PTPRD: variants seen among roughly 807,000 people sequenced by gnomAD.
The protein encoded by PTPRD is receptor-type tyrosine-protein phosphatase delta.
Under a neutral mutation model 214.5 loss-of-function variants are expected in PTPRD, and 34 were observed. That is an observed-to-expected ratio of 0.16 (90% CI 0.12 to 0.21). The LOEUF is 0.21. PTPRD is among the 10% of genes least tolerant of loss of function. The pLI is 1.00. For missense variants in PTPRD, 2,545 were observed against 2,398.7 expected, an observed-to-expected ratio of 1.06 and a Z score of -1.27; for synonymous variants, 1,128 against 845.7, an observed-to-expected ratio of 1.33 and a Z score of -5.79.
intron 11 of PTPRD, among the ~76,000 whole-genome samples, chr9:8,935,162 T>C (rs2098988227): frequency 6.6e-6 from 1 of 152,098 alleles, no homozygotes; most frequent in South Asian, 2.1e-4. Context: ...AGAAGTAAAA[T>C]TGCCTCTGTT....
In PTPRD at chr9:8,360,417, T is replaced by C. The variant is rs551552776; in HGVS notation, c.4661+15519A>G. Among the ~76,000 whole-genome samples, 6 of 152,336 alleles carry C rather than the reference T, an allele frequency of 3.9e-5. No individual in the cohort carries two copies. In the South Asian group the frequency reaches 1.2e-3, roughly 32 times the overall value. On this transcript the variant is annotated intron_variant, in intron 39 of 45. Transcript: ENST00000381196. ...AACTGGTGAATCTAATATACAGTTATGCATTTGAGGTTAATGTCAACTGTA... is the reference window on the plus strand; with the variant it reads ...AACTGGTGAATCTAATATACAGTTACGCATTTGAGGTTAATGTCAACTGTA...
At position 8,517,839 on chromosome 9, in the gene PTPRD, C is replaced by T. The variant is rs779421602; in HGVS notation, c.1543+9G>A. On this transcript the variant is annotated intron_variant, in intron 21 of 45. Transcript: ENST00000381196. ...CTCCTGCCCTATTTCCCTCCTCAACCAAACTTACCTCCTGTCTGAGTGATG... is the reference window on the plus strand; with the variant it reads ...CTCCTGCCCTATTTCCCTCCTCAACTAAACTTACCTCCTGTCTGAGTGATG... 7.5e-6 allele frequency: 12 copies of T among 1,607,056 alleles called. No homozygotes were observed. Among genetic ancestry groups the T allele is most frequent in the African/African-American group, 2.7e-5 (2 of 74,940 alleles).
rs188184358 is a variant in PTPRD, at chr9:8,738,642, C to T, written c.-103-4696G>A. On this transcript the variant is annotated intron_variant, in intron 11 of 45. Coordinates refer to ENST00000381196, the MANE Select transcript of PTPRD (RefSeq NM_002839.4). ...CAAAAAGAATAATAACTGCAAAGAA[C>T]TACAACAAATCACATTATAATCTAT... Among the ~76,000 whole-genome samples the T allele has an allele frequency of 1.0e-3, 156 of 151,622 alleles. 1 individual carries two copies. The highest frequency in any genetic ancestry group is 3.7e-3 in the African/African-American group (152 of 41,348).
intron 9 of PTPRD, among the ~76,000 whole-genome samples, chr9:9,345,605 C>G (rs1436408076): frequency 6.6e-6 from 1 of 152,060 alleles, no homozygotes; most frequent in African/African-American, 2.4e-5. Context: ...GCTTATAACT[C>G]CCCCAAGGTC....
At chr9:9,972,283 T>C (rs924666460) in intron 4 of PTPRD, among the ~76,000 whole-genome samples, 1 of 152,200 alleles carries the variant, frequency 6.6e-6, no homozygotes, top group African/African-American at 2.4e-5. Context: ...TCCTTACCTC[T>C]GTTCCAGAGT....
chr9:10,567,331 T>C (rs1057178339), intron 2 of PTPRD, among the ~76,000 whole-genome samples: 2 of 152,164 alleles, frequency 1.3e-5, no homozygotes, highest in African/African-American at 2.4e-5. Flanking sequence ...TTCATAATAA[T>C]ACAAATTTCA....
At chr9:8,948,519 TTA>T (rs1332097690) in intron 11 of PTPRD, among the ~76,000 whole-genome samples, 13 of 12,844 alleles carry the variant, frequency 1.0e-3, no homozygotes, top group Non-Finnish European at 2.5e-3. Flanking sequence ...ATATATATAT[TTA>T]TATATATATT....
intron 5 of PTPRD, among the ~76,000 whole-genome samples, chr9:9,854,484 T>G (rs1046718168): frequency 2.0e-5 from 3 of 151,762 alleles, no homozygotes; most frequent in Non-Finnish European, 4.4e-5. Flanking sequence ...CAAGAATCTT[T>G]TCTCAGAAAA....
At chr9:10,029,847 G>A (rs1427739777) in intron 4 of PTPRD, among the ~76,000 whole-genome samples, 1 of 152,074 alleles carries the variant, frequency 6.6e-6, no homozygotes. Context: ...ATTTGGGAGG[G>A]GCCAGGGACA....
chr9:10,595,498 C>A (rs1428709249), intron 2 of PTPRD, among the ~76,000 whole-genome samples: 1 of 151,600 alleles, frequency 6.6e-6, no homozygotes, highest in African/African-American at 2.4e-5. Flanking sequence ...TCGGTTGGTA[C>A]ACCAAATAGG....
intron 11 of PTPRD, among the ~76,000 whole-genome samples, chr9:8,993,515 A>G (rs1406290447): frequency 2.6e-5 from 4 of 152,122 alleles, no homozygotes; most frequent in Non-Finnish European, 5.9e-5. Flanking sequence ...TAATGTATGT[A>G]TAGTCTGAGC....
intron 7 of PTPRD, among the ~76,000 whole-genome samples, chr9:9,658,858 T>TA (rs1049983628): frequency 2.0e-5 from 3 of 152,138 alleles, no homozygotes; most frequent in African/African-American, 7.2e-5. Context: ...TTATTGCTTA[T>TA]ATTGAACATT....
chr9:9,687,745 G>C (rs748050193), intron 7 of PTPRD, among the ~76,000 whole-genome samples: 2 of 151,572 alleles, frequency 1.3e-5, no homozygotes, highest in African/African-American at 2.4e-5. Flanking sequence ...GTCTCAATTG[G>C]TCAAAAACAA....
chr9:8,948,531 TTA>T (rs1229862431), intron 11 of PTPRD, among the ~76,000 whole-genome samples: 20 of 30,056 alleles, frequency 6.7e-4, no homozygotes, highest in East Asian at 2.2e-3. Flanking sequence ...ATATATATAT[TTA>T]TATATATATT....
chr9:9,937,783 C>A (rs943840706), intron 5 of PTPRD, among the ~76,000 whole-genome samples: 2 of 152,100 alleles, frequency 1.3e-5, no homozygotes, highest in African/African-American at 4.8e-5. Flanking sequence ...CCATGTAGTT[C>A]TTACAGTGTA....
At chr9:9,784,686 T>G (rs1462350677) in intron 5 of PTPRD, among the ~76,000 whole-genome samples, 1 of 151,952 alleles carries the variant, frequency 6.6e-6, no homozygotes, top group Non-Finnish European at 1.5e-5. Flanking sequence ...TTAGTGGAAC[T>G]GTGCTAGCTT....
At chr9:10,536,649 C>T (rs1431903594) in intron 2 of PTPRD, among the ~76,000 whole-genome samples, 1 of 152,094 alleles carries the variant, frequency 6.6e-6, no homozygotes, top group East Asian at 1.9e-4. Context: ...AAAATGCACA[C>T]TCCACGCTGA....
chr9:10,568,795 G>A lies in PTPRD; in HGVS notation c.-600+43603C>T, dbSNP rs541836186. 4.3e-3 allele frequency among the ~76,000 whole-genome samples: 654 copies of A among 152,204 alleles called. 7 individuals carry two copies. The highest frequency in any genetic ancestry group is 0.015 in the African/African-American group (618 of 41,536). On this transcript the variant is annotated intron_variant, in intron 2 of 45. Transcript: ENST00000381196. ...TTCAAGACGGATTAAAGACTTAAAC[G>A]TTAGACCTAAAACCATAAAATCCCC...
chr9:8,449,690 G>C (rs765680206), intron 34 of PTPRD, 35 bp downstream of exon 34: 1 of 1,583,894 alleles, frequency 6.3e-7, no homozygotes, highest in African/African-American at 1.3e-5. Flanking sequence ...TTCTGGGAAA[G>C]ACTGTGTGTG....
Sources: allele counts gnomAD v4.1 joint callset (sites outside exome capture counted in the v4.1 genomes callset), GRCh38; gene constraint gnomAD v4.1.1; transcripts MANE v1.5; gene names NCBI Gene and HGNC (gene_info 2026-07-23, HGNC 2026-07-21).